Variants in ZNF611 observed in about 807,000 individuals in gnomAD.
ZNF611 encodes zinc finger protein 611.
In ZNF611, 6 loss-of-function variants were observed where a neutral mutation model predicts 8.9. That is an observed-to-expected ratio of 0.68 (90% CI 0.37 to 1.34). ZNF611 has a LOEUF of 1.34. Ranked by LOEUF, ZNF611 falls within the 40% of genes most tolerant of loss-of-function variation. The pLI is 0.02. For missense variants in ZNF611, 874 were observed against 841.3 expected (o/e 1.04, Z -0.48); for synonymous variants, 262 against 279.7 (o/e 0.94, Z 0.63).
intron 3 of ZNF611, among the ~76,000 whole-genome samples, chr19:52,725,153 C>T (rs2062383571): frequency 6.6e-6 from 1 of 152,136 alleles, no homozygotes; most frequent in African/African-American, 2.4e-5. Context: ...GCTGGGCAGG[C>T]AAGAACACCC....
At chr19:52,724,626 TTA>T (rs2062380266) in intron 3 of ZNF611, 1 of 152,122 alleles carries the variant, frequency 6.6e-6, no homozygotes, top group Non-Finnish European at 1.5e-5. Context: ...GCCTCTTCTC[TTA>T]TCTCTCCATC....
Position 52,704,274 on chromosome 19 carries a change from G to C in ZNF611, c.*663C>G. 1 of 511,014 alleles carries C rather than the reference G, an allele frequency of 2.0e-6. No homozygotes were observed. The highest frequency in any genetic ancestry group is 1.6e-5 in the South Asian group (1 of 64,374). The allele number at this position is 511,014 out of a possible 1,614,324, so 31.7% of individuals were successfully genotyped here. A position where few individuals can be genotyped will look rare whatever the true frequency, so the allele number is the denominator to read the frequency against. ...TGCTATACTCATTTCATTGGGAACG[G>C]TTATCTCAAAAATGAATTTTCTGAT... is the stretch of plus-strand genomic sequence containing the variant. On this transcript the variant is annotated 3_prime_UTR_variant, in exon 6 of 6. Coordinates refer to ENST00000652185, the MANE Select transcript of ZNF611 (RefSeq NM_001161499.2).
chr19:52,725,191 T>C (rs1194672149), intron 3 of ZNF611, among the ~76,000 whole-genome samples: 3 of 152,074 alleles, frequency 2.0e-5, no homozygotes, highest in Non-Finnish European at 4.4e-5. Flanking sequence ...CCCTGGGACC[T>C]CCCCAACGCT....
chr19:52,722,493 G>T (rs1344296420), intron 3 of ZNF611, among the ~76,000 whole-genome samples: 1 of 152,054 alleles, frequency 6.6e-6, no homozygotes, highest in Non-Finnish European at 1.5e-5. Context: ...CTGGGAAAAG[G>T]GAAGAAACTG....
chr19:52,727,460 C>T (rs1418434193), intron 3 of ZNF611, among the ~76,000 whole-genome samples: 2 of 141,598 alleles, frequency 1.4e-5, no homozygotes, highest in Non-Finnish European at 2.9e-5. Flanking sequence ...CTTGGTCACA[C>T]ATAGTTCATC....
In ZNF611 at chr19:52,717,687, A is replaced by C. The variant is rs527614663; in HGVS notation, c.-19-1774T>G. The C allele has an allele frequency of 1.9e-5, 19 of 985,024 alleles. No individual in the cohort carries two copies. The South Asian group carries it at 7.5e-4, about 39-fold the overall frequency. The allele number at this position is 985,024 out of a possible 1,614,324, so 61.0% of individuals were successfully genotyped here. Reference sequence around the variant, plus strand: ...TCCAAGTCAATCCAGCCCATCCTTCAACATCTGTAGAGAATATTATGGACC... The same window carrying C: ...TCCAAGTCAATCCAGCCCATCCTTCCACATCTGTAGAGAATATTATGGACC... On this transcript the variant is annotated intron_variant, in intron 3 of 5. Transcript: ENST00000652185.
intron 3 of ZNF611, among the ~76,000 whole-genome samples, chr19:52,725,921 C>A (rs891961187): frequency 6.6e-6 from 1 of 152,208 alleles, no homozygotes; most frequent in Non-Finnish European, 1.5e-5. Flanking sequence ...CTCCGCCTCG[C>A]ACCCAGCGCC....
At position 52,706,028 on chromosome 19, in the gene ZNF611, A is replaced by G. The variant is rs768692894; in HGVS notation, c.1027T>C (p.Tyr343His). The G allele has an allele frequency of 3.1e-6, 5 of 1,614,194 alleles. No homozygotes were observed. Among genetic ancestry groups the G allele is most frequent in the Non-Finnish European group, 4.2e-6 (5 of 1,180,024 alleles). ...DKAIDTGENPYKCNECDKAFN... is the reference protein window; with the variant it reads ...DKAIDTGENPHKCNECDKAFN... ...GCCTTGTCACATTCATTACACTTGT[A>G]AGGATTTTCTCCAGTATCAATTGCC... is the stretch of plus-strand genomic sequence containing the variant. The change falls in exon 6 of 6, where the codon TAC (tyrosine) becomes CAC (histidine). Residue 343 changes from tyrosine (Y) to histidine (H), a missense_variant. Tyr to His is a moderately conservative substitution (Grantham distance 83, BLOSUM62 2). Transcript: ENST00000652185.
chr19:52,729,498 A>AAAAAAAAG, intron 2 of ZNF611, among the ~76,000 whole-genome samples: 1 of 146,676 alleles, frequency 6.8e-6, no homozygotes, highest in Non-Finnish European at 1.5e-5. Flanking sequence ...ATCTCAAAAA[A>AAAAAAAAG]AAAAAAAAAA....
At chr19:52,718,108 G>A (rs8102905) in intron 3 of ZNF611, among the ~76,000 whole-genome samples, 3 of 152,228 alleles carry the variant, frequency 2.0e-5, no homozygotes, top group East Asian at 3.9e-4. Context: ...ACTTTGGGAG[G>A]CCAGGGCATG....
chr19:52,710,517 A>G (rs778089695), intron 5 of ZNF611, among the ~76,000 whole-genome samples: 12 of 152,296 alleles, frequency 7.9e-5, no homozygotes, highest in Non-Finnish European at 1.8e-4. Context: ...GGTGTGAGAC[A>G]TCATGCCCGT....
At chr19:52,707,340 A>G (rs2062252518) in intron 5 of ZNF611, 1 of 152,598 alleles carries the variant, frequency 6.6e-6, no homozygotes, top group Non-Finnish European at 1.5e-5. Context: ...AAAGCAATGG[A>G]AATTCCGTAT....
chr19:52,704,764 T>A lies in ZNF611; in HGVS notation c.*173A>T, dbSNP rs2062227450. On this transcript the variant is annotated 3_prime_UTR_variant, in exon 6 of 6. Coordinates refer to ENST00000652185, the MANE Select transcript of ZNF611 (RefSeq NM_001161499.2). ...CTTGCCAAAGGCTTTGCCACACTCA[T>A]TACACTTGTAAGGTTTCTCTCCAGT... 1.3e-6 allele frequency: 2 copies of A among 1,595,622 alleles called. No individual in the cohort carries two copies. The highest frequency in any genetic ancestry group is 4.5e-5 in the East Asian group (2 of 44,802).
chr19:52,725,548 G>A (rs1023139172), intron 3 of ZNF611, among the ~76,000 whole-genome samples: 2 of 152,168 alleles, frequency 1.3e-5, no homozygotes, highest in Non-Finnish European at 2.9e-5. Context: ...CAGCCTCCAA[G>A]CGACTTCAAA....
chr19:52,718,725 G>A (rs887817021), intron 3 of ZNF611, among the ~76,000 whole-genome samples: 3 of 152,026 alleles, frequency 2.0e-5, no homozygotes, highest in Non-Finnish European at 4.4e-5. Context: ...TTGAACTCCA[G>A]AGGCGAACTT....
chr19:52,706,744 T>C lies in ZNF611; in HGVS notation c.311A>G (p.Gln104Arg), dbSNP rs758982401. 1.4e-5 allele frequency: 22 copies of C among 1,614,072 alleles called. No individual in the cohort carries two copies. The highest frequency in any genetic ancestry group is 1.7e-5 in the Non-Finnish European group (20 of 1,180,044). Residue 104 changes from glutamine (Q) to arginine (R), a missense_variant, in exon 6 of 6, where the codon CAG (glutamine) becomes CGG (arginine). Transcript: ENST00000652185. ...GTCATGAATTTCTTTCTCAATTTCCTGGAAGCAAAAATCTCCAATGTGATG... is the reference window on the plus strand; with the variant it reads ...GTCATGAATTTCTTTCTCAATTTCCCGGAAGCAAAAATCTCCAATGTGATG... ...ESHHIGDFCF[Q>R]EIEKEIHDIE... is the part of the protein sequence containing the mutation.
At chr19:52,711,286 T>C (rs529193646) in intron 5 of ZNF611, 1 of 152,116 alleles carries the variant, frequency 6.6e-6, no homozygotes, top group South Asian at 2.1e-4. Context: ...GAACTCAGAT[T>C]GTGCCATTGC....
At chr19:52,722,385 A>C (rs1232894059) in intron 3 of ZNF611, among the ~76,000 whole-genome samples, 1 of 150,800 alleles carries the variant, frequency 6.6e-6, no homozygotes. Flanking sequence ...CTGTCTCAAA[A>C]TATTAATTAA....
chr19:52,709,513 C>T lies in ZNF611; in HGVS notation c.191-2649G>A, dbSNP rs146894317. Among the ~76,000 whole-genome samples the T allele has an allele frequency of 2.8e-3, 430 of 152,178 alleles. 2 individuals carry two copies. Among genetic ancestry groups the T allele is most frequent in the African/African-American group, 9.7e-3 (403 of 41,504 alleles). ...GTCTCAATCTTTTGACCTCATGATC[C>T]GCCCTCCTCGCCTCCCAAAGTGCTG... On this transcript the variant is annotated intron_variant, in intron 5 of 5. Transcript: ENST00000652185.
Sources: allele counts gnomAD v4.1 joint callset (sites outside exome capture counted in the v4.1 genomes callset), GRCh38; gene constraint gnomAD v4.1.1; transcripts MANE v1.5; gene names NCBI Gene and HGNC (gene_info 2026-07-23, HGNC 2026-07-21).